Variants in NBEA observed in about 807,000 individuals in gnomAD.
NBEA encodes the protein lysosomal-trafficking regulator 2.
In NBEA, 44 loss-of-function variants were observed where a neutral mutation model predicts 343.4. The ratio of observed to expected loss-of-function variants is 0.13; its 90% CI spans 0.10 to 0.16. The LOEUF (loss-of-function observed/expected upper bound fraction) is 0.16. Among genes scored for constraint, NBEA ranks in the 10% least tolerant of loss-of-function variants. The pLI is 1.00. For missense variants in NBEA, 2,555 were observed against 3,631.3 expected (o/e 0.70, Z 7.62); for synonymous variants, 1,175 against 1,238.7 (o/e 0.95, Z 1.08).
chr13:35,078,866 A>T (rs747142614), intron 10 of NBEA, among the ~76,000 whole-genome samples: 4 of 152,108 alleles, frequency 2.6e-5, no homozygotes, highest in Admixed American at 2.6e-4. Flanking sequence ...TACTAAAAAT[A>T]TAAAAATTAG....
chr13:35,428,445 A>G (rs773728134), intron 38 of NBEA, among the ~76,000 whole-genome samples: 75 of 152,010 alleles, frequency 4.9e-4, no homozygotes, highest in Non-Finnish European at 8.2e-4. Flanking sequence ...CATAATTTCT[A>G]TTATCCTGTC....
At chr13:35,477,678 C>T (rs1170521428) in intron 41 of NBEA, among the ~76,000 whole-genome samples, 1 of 152,122 alleles carries the variant, frequency 6.6e-6, no homozygotes, top group Non-Finnish European at 1.5e-5. Flanking sequence ...TATCTCCTGT[C>T]TTAAGTGTCC....
intron 5 of NBEA, among the ~76,000 whole-genome samples, chr13:35,049,297 T>A (rs1490945476): frequency 6.6e-6 from 1 of 151,748 alleles, no homozygotes; most frequent in African/African-American, 2.4e-5. Context: ...GCATTGTAAG[T>A]GTTTATATAT....
chr13:35,327,574 G>T (rs952950920), intron 36 of NBEA, among the ~76,000 whole-genome samples: 2 of 151,876 alleles, frequency 1.3e-5, no homozygotes, highest in South Asian at 2.1e-4. Context: ...TGAGCTAAAC[G>T]TTGGATAAAT....
chr13:35,257,647 A>C (rs2032766738), intron 34 of NBEA, among the ~76,000 whole-genome samples: 1 of 151,682 alleles, frequency 6.6e-6, no homozygotes, highest in South Asian at 2.1e-4. Context: ...CTAATGAAAA[A>C]AATATTTTGG....
chr13:35,655,565 T>C lies in NBEA; in HGVS notation c.8192-14T>C. On this transcript the variant is annotated splice_polypyrimidine_tract_variant and intron_variant, in intron 54 of 58. Coordinates refer to ENST00000379939, the MANE Select transcript of NBEA (RefSeq NM_001385012.1). ...AAGACTAAATGAAGCAAACCTGTCA[T>C]TTCTGTGTTGCAGGGAAATTGACTC... The C allele has an allele frequency of 6.2e-7, 1 of 1,607,546 alleles. No individual in the cohort carries two copies. The highest frequency in any genetic ancestry group is 1.7e-5 in the Admixed American group (1 of 59,738).
rs927888105 is a variant in NBEA, at chr13:35,551,139, A to T, written c.6806+107A>T. On this transcript the variant is annotated intron_variant, in intron 43 of 58. Coordinates refer to ENST00000379939, the MANE Select transcript of NBEA (RefSeq NM_001385012.1). ...AACATTATAATTATTTCAGAGACCA[A>T]AGAATTTTCTTTCTCTGAAGGTTAT... The T allele has an allele frequency of 4.1e-5, 25 of 602,898 alleles. No individual in the cohort carries two copies. In the African/African-American group the frequency reaches 4.6e-4, roughly 11 times the overall value. 37.3% of individuals were successfully genotyped at this position (602,898 alleles called of 1,614,324 possible).
intron 1 of NBEA, among the ~76,000 whole-genome samples, chr13:35,003,003 G>C (rs976288253): frequency 2.0e-5 from 3 of 152,100 alleles, no homozygotes; most frequent in Non-Finnish European, 4.4e-5. Flanking sequence ...AAATTTCATA[G>C]AACAGGGATA....
intron 46 of NBEA, among the ~76,000 whole-genome samples, chr13:35,589,577 C>A (rs139996453): frequency 6.6e-6 from 1 of 152,040 alleles, no homozygotes; most frequent in Admixed American, 6.6e-5. Flanking sequence ...CAGAACAGAA[C>A]TACAAGAAGC....
chr13:35,626,039 A>G (rs1001031785), intron 48 of NBEA, among the ~76,000 whole-genome samples: 6 of 152,190 alleles, frequency 3.9e-5, no homozygotes, highest in African/African-American at 1.4e-4. Flanking sequence ...GATTAGAGGT[A>G]GCCTGGTGTT....
intron 38 of NBEA, among the ~76,000 whole-genome samples, chr13:35,427,589 C>G (rs1281495234): frequency 6.6e-6 from 1 of 152,146 alleles, no homozygotes; most frequent in Non-Finnish European, 1.5e-5. Flanking sequence ...CAGGGACCCA[C>G]TTGAGGAGGC....
rs1359587041 is a variant in NBEA at position 35,671,473 on chromosome 13, G to A, written c.*482G>A. 1 of 153,014 alleles carries A rather than the reference G, an allele frequency of 6.5e-6. No individual in the cohort carries two copies. The highest frequency in any genetic ancestry group is 2.4e-5 in the African/African-American group (1 of 41,196). The allele number at this position is 153,014 out of a possible 1,614,324, so 9.5% of individuals were successfully genotyped here. A position where few individuals can be genotyped will look rare whatever the true frequency, so the allele number is the denominator to read the frequency against. On this transcript the variant is annotated 3_prime_UTR_variant, in exon 59 of 59. Transcript: ENST00000379939. ...GATACTTTTGTAAAAGTAAAACCTT[G>A]TATAAAGAACAAAATGTTTCTTAAT... is the stretch of plus-strand genomic sequence containing the variant.
intron 39 of NBEA, among the ~76,000 whole-genome samples, chr13:35,435,090 G>A (rs772274940): frequency 3.3e-5 from 5 of 152,036 alleles, no homozygotes; most frequent in South Asian, 2.1e-4. Context: ...GTGCAATGGC[G>A]CGATCTCAGC....
At chr13:35,318,627 G>C (rs1337270576) in intron 36 of NBEA, among the ~76,000 whole-genome samples, 1 of 152,160 alleles carries the variant, frequency 6.6e-6, no homozygotes, top group Non-Finnish European at 1.5e-5. Flanking sequence ...AAATGAGTTA[G>C]GGAGGAGTCC....
chr13:34,984,595 C>A (rs941469120), intron 1 of NBEA, among the ~76,000 whole-genome samples: 3 of 149,410 alleles, frequency 2.0e-5, no homozygotes, highest in African/African-American at 7.3e-5. Context: ...TCACTGATAG[C>A]TTGATGGGGA....
chr13:35,246,690 A>T (rs1237958501), intron 34 of NBEA, among the ~76,000 whole-genome samples: 1 of 152,152 alleles, frequency 6.6e-6, no homozygotes, highest in Non-Finnish European at 1.5e-5. Flanking sequence ...TGAAGGTGGC[A>T]GGGGAGTGAA....
At chr13:35,156,952 TGACTG>T (rs2069214930) in intron 20 of NBEA, 121 bp from the exon 21 acceptor site, 2 of 628,230 alleles carry the variant, frequency 3.2e-6, no homozygotes, top group Non-Finnish European at 5.0e-6. Flanking sequence ...ACGTGCAGCA[TGACTG>T]TACACCTTGC....
At chr13:35,265,124 A>G (rs2152800736) in intron 34 of NBEA, among the ~76,000 whole-genome samples, 1 of 152,026 alleles carries the variant, frequency 6.6e-6, no homozygotes, top group East Asian at 1.9e-4. Flanking sequence ...CAAGAAATCA[A>G]TAATATTTGC....
intron 38 of NBEA, among the ~76,000 whole-genome samples, chr13:35,359,716 T>C (rs1216703094): frequency 6.6e-6 from 1 of 152,102 alleles, no homozygotes; most frequent in East Asian, 1.9e-4. Flanking sequence ...AGTTTTTCTT[T>C]GTTTATTTTA....
Sources: gnomAD v4.1 joint callset for allele counts (sites outside exome capture counted in the v4.1 genomes callset) on GRCh38, gnomAD v4.1.1 for gene constraint, MANE v1.5 for transcripts, NCBI Gene and HGNC (gene_info 2026-07-23, HGNC 2026-07-21) for gene names.